SPATA6: variants seen among roughly 807,000 people sequenced by gnomAD.
SPATA6 encodes spermatogenesis-associated protein 6.
SPATA6 carries 56 observed loss-of-function variants against 65.3 expected under a neutral mutation model. That is an observed-to-expected ratio of 0.86 (90% CI 0.69 to 1.07). SPATA6 has a LOEUF of 1.07. Among genes scored for constraint, SPATA6 ranks in the 50% least tolerant of loss-of-function variants. The pLI is 0.00. For missense variants in SPATA6, 590 were observed against 594.8 expected, an observed-to-expected ratio of 0.99 and a Z score of 0.08; for synonymous variants, 199 against 213.2, an observed-to-expected ratio of 0.93 and a Z score of 0.58.
rs1658319734 is a variant in SPATA6 at position 48,472,162 on chromosome 1, C to A, written c.-154G>T. 2 of 576,732 alleles carry A rather than the reference C, an allele frequency of 3.5e-6. No homozygotes were observed. The highest frequency in any genetic ancestry group is 2.0e-5 in the African/African-American group (1 of 50,046). 35.7% of individuals were successfully genotyped at this position (576,732 alleles called of 1,614,324 possible). A position where few individuals can be genotyped will look rare whatever the true frequency, so the allele number is the denominator to read the frequency against. On this transcript the variant is annotated 5_prime_UTR_variant, in exon 1 of 13. The change creates a premature stop within an existing upstream ORF in the 5' untranslated region. Transcript: ENST00000371847. ...GGGGCCCGCGGTCCAGCCTGGGTTC[C>A]GCCGGAGAAGCAGCTGAGCGCGGGG...
intron 11 of SPATA6, among the ~76,000 whole-genome samples, chr1:48,318,859 T>C (rs1645516497): frequency 6.6e-6 from 1 of 152,038 alleles, no homozygotes; most frequent in Non-Finnish European, 1.5e-5. Flanking sequence ...ATTCCTGATA[T>C]CAAAATTTAC....
chr1:48,312,634 G>A (rs1456390324), intron 11 of SPATA6, among the ~76,000 whole-genome samples: 1 of 152,072 alleles, frequency 6.6e-6, no homozygotes, highest in Non-Finnish European at 1.5e-5. Flanking sequence ...CTAAAAATCA[G>A]AGCACCTCTC....
Position 48,446,654 on chromosome 1 carries a change from T to C in SPATA6, c.238+4898A>G, listed in dbSNP as rs183565079. 1.9e-3 allele frequency among the ~76,000 whole-genome samples: 291 copies of C among 152,280 alleles called. 1 individual carries two copies. The highest frequency in any genetic ancestry group is 6.8e-3 in the African/African-American group (282 of 41,554). ...TTGAATTTGGTTAGGTGCAATAAAT[T>C]GATAACCATCAGATTATATGAAGCA... On this transcript the variant is annotated intron_variant, in intron 3 of 12. Transcript: ENST00000371847.
chr1:48,398,941 T>G (rs967005924), intron 7 of SPATA6: 6 of 154,790 alleles, frequency 3.9e-5, no homozygotes, highest in Non-Finnish European at 8.6e-5. Flanking sequence ...AAAAGGAAAC[T>G]TACTTTCCAT....
At chr1:48,387,778 A>T (rs1390010407) in intron 8 of SPATA6, among the ~76,000 whole-genome samples, 1 of 152,172 alleles carries the variant, frequency 6.6e-6, no homozygotes, top group Non-Finnish European at 1.5e-5. Flanking sequence ...GCCTACACTC[A>T]TAGCCACTAC....
chr1:48,284,786 T>C, the SPATA6 span, among the ~76,000 whole-genome samples: 3 of 152,246 alleles, frequency 2.0e-5, no homozygotes, highest in East Asian at 5.8e-4. Context: ...GATTGCTCCC[T>C]GTTCCTTCCT....
At chr1:48,448,312 AG>A (rs1468176916) in intron 3 of SPATA6, among the ~76,000 whole-genome samples, 1 of 152,052 alleles carries the variant, frequency 6.6e-6, no homozygotes, top group African/African-American at 2.4e-5. Flanking sequence ...GCATAGGCAA[AG>A]TAGGTACAGG....
At chr1:48,440,237 C>T (rs900090431) in intron 3 of SPATA6, among the ~76,000 whole-genome samples, 1 of 152,066 alleles carries the variant, frequency 6.6e-6, no homozygotes, top group African/African-American at 2.4e-5. Context: ...GGTACATGTC[C>T]CCTTCTCCCT....
chr1:48,368,088 G>A (rs1647090992), intron 9 of SPATA6, among the ~76,000 whole-genome samples: 1 of 152,140 alleles, frequency 6.6e-6, no homozygotes, highest in South Asian at 2.1e-4. Context: ...ATTCTGGGTT[G>A]AAAATTCTTT....
intron 12 of SPATA6, among the ~76,000 whole-genome samples, chr1:48,300,694 T>C (rs1205774149): frequency 6.6e-6 from 1 of 151,740 alleles, no homozygotes; most frequent in African/African-American, 2.4e-5. Context: ...CAAAAACACA[T>C]GAAAAAGATC....
At chr1:48,350,819 CTTTG>C (rs893330581) in intron 11 of SPATA6, among the ~76,000 whole-genome samples, 1 of 151,998 alleles carries the variant, frequency 6.6e-6, no homozygotes, top group South Asian at 2.1e-4. Context: ...AGTCCTCCAG[CTTTG>C]TTTGTTTCAG....
At chr1:48,373,793 A>T (rs1030398365) in intron 9 of SPATA6, among the ~76,000 whole-genome samples, 1 of 152,214 alleles carries the variant, frequency 6.6e-6, no homozygotes, top group African/African-American at 2.4e-5. Flanking sequence ...TAAACCCCTC[A>T]GATCTCTTGA....
chr1:48,438,068 G>A (rs933865098), intron 3 of SPATA6, among the ~76,000 whole-genome samples: 3 of 152,050 alleles, frequency 2.0e-5, no homozygotes, highest in African/African-American at 2.4e-5. Flanking sequence ...AGCCAGCAGC[G>A]GCAACCCGCT....
the SPATA6 span, among the ~76,000 whole-genome samples, chr1:48,288,537 C>T: frequency 6.6e-6 from 1 of 152,188 alleles, no homozygotes; most frequent in Non-Finnish European, 1.5e-5. Flanking sequence ...TGAGCCAAAG[C>T]AGGACAAGGC....
In SPATA6 at chr1:48,463,404, A is replaced by C. The variant is rs142469365; in HGVS notation, c.51+8554T>G. ...TGTTACACACACGTAAATCTTATGC[A>C]TCTTGGAATTAAAACAAATCCTAGA... On this transcript the variant is annotated intron_variant, in intron 1 of 12. Coordinates refer to ENST00000371847, the MANE Select transcript of SPATA6 (RefSeq NM_019073.4). 1.7e-3 allele frequency among the ~76,000 whole-genome samples: 259 copies of C among 152,254 alleles called. 1 individual carries two copies. The highest frequency in any genetic ancestry group is 6.0e-3 in the African/African-American group (248 of 41,564).
chr1:48,441,461 C>A (rs529950070), intron 3 of SPATA6, among the ~76,000 whole-genome samples: 17 of 152,272 alleles, frequency 1.1e-4, no homozygotes, highest in African/African-American at 4.1e-4. Context: ...AAGTCCCATA[C>A]CCTTATTAAG....
At chr1:48,332,967 G>C (rs1415049426) in intron 11 of SPATA6, among the ~76,000 whole-genome samples, 1 of 152,142 alleles carries the variant, frequency 6.6e-6, no homozygotes, top group East Asian at 1.9e-4. Context: ...ACCTGCTCCA[G>C]AATAACTCAG....
chr1:48,355,939 T>G (rs1248642078), intron 10 of SPATA6, among the ~76,000 whole-genome samples, 170 bp from the exon 11 acceptor site: 1 of 152,166 alleles, frequency 6.6e-6, no homozygotes, highest in Admixed American at 6.5e-5. Flanking sequence ...CACACAGTTA[T>G]TTGGAGCTTT....
chr1:48,355,666 T>G lies in SPATA6; in HGVS notation c.1194+4A>C. On this transcript the variant is annotated splice_donor_region_variant and intron_variant, in intron 11 of 12. Transcript: ENST00000371847. ...GTCTTCAAAAAAAAATTTTAGAAAC[T>G]AACATATAAATGTCTTTGATGAGCC... 3.1e-6 allele frequency: 5 copies of G among 1,599,244 alleles called. No individual in the cohort carries two copies. Among genetic ancestry groups the G allele is most frequent in the Non-Finnish European group, 3.4e-6 (4 of 1,171,992 alleles).
Sources: allele counts gnomAD v4.1 joint callset (sites outside exome capture counted in the v4.1 genomes callset), GRCh38; gene constraint gnomAD v4.1.1; transcripts MANE v1.5; gene names NCBI Gene and HGNC (gene_info 2026-07-23, HGNC 2026-07-21).